The following LRRC7 variants were observed in gnomAD, a reference collection of about 807,000 sequenced individuals.
LRRC7 encodes leucine rich repeat containing 7.
LRRC7 carries 23 observed loss-of-function variants against 175.7 expected under a neutral mutation model. The observed-to-expected ratio is 0.13, with a 90% CI of 0.09 to 0.19. The LOEUF (loss-of-function observed/expected upper bound fraction) is 0.19, where lower values mean the gene tolerates loss of function less well. LRRC7 is among the 10% of genes least tolerant of loss of function. The pLI is 1.00. For synonymous variants in LRRC7, 685 were observed against 680.9 expected (o/e 1.01, Z -0.09); for missense variants, 1,354 against 1,904.7 (o/e 0.71, Z 5.38).
At chr1:70,102,527 C>A (rs929812276) in intron 25 of LRRC7, among the ~76,000 whole-genome samples, 3 of 152,078 alleles carry the variant, frequency 2.0e-5, no homozygotes, top group Non-Finnish European at 4.4e-5. Flanking sequence ...GAGTTTCAGA[C>A]TTTTTTTAAG....
intron 25 of LRRC7, among the ~76,000 whole-genome samples, chr1:70,096,226 C>T (rs529765566): frequency 3.3e-5 from 5 of 152,318 alleles, no homozygotes; most frequent in South Asian, 2.1e-4. Context: ...ATCCGCCTGC[C>T]GCGGCCTCCC....
Position 69,899,535 on chromosome 1 carries a change from C to T in LRRC7, c.648-31972C>T, listed in dbSNP as rs768249782. 4.6e-5 allele frequency among the ~76,000 whole-genome samples: 7 copies of T among 152,312 alleles called. No homozygotes were observed. The South Asian group carries it at 6.2e-4, about 14-fold the overall frequency. On this transcript the variant is annotated intron_variant, in intron 7 of 26. Transcript: ENST00000651989. ...TGGGTCAGATAGTAAATATTTTCCC[C>T]TTTGTGAGCCATCAGGTCTCCACTG...
chr1:70,053,418 G>A (rs1016307965), intron 23 of LRRC7, among the ~76,000 whole-genome samples: 7 of 152,102 alleles, frequency 4.6e-5, no homozygotes, highest in African/African-American at 1.7e-4. Context: ...ACCTTTGAAA[G>A]GCACATATAG....
rs1557641227 is a variant in LRRC7, at chr1:69,717,833, AG to A, written c.100+39356del. 6.8e-3 allele frequency among the ~76,000 whole-genome samples: 399 copies of A among 58,610 alleles called. 5 individuals are homozygous for A. Among genetic ancestry groups the A allele is most frequent in the East Asian group, 0.022 (47 of 2,116 alleles). 38.5% of individuals were successfully genotyped at this position (58,610 alleles called of 152,430 possible). ...AAGAAAGAAAGAAAGAAAGAAAGAA[AG>A]AAAGAAAAAAGAAAGAAAGGAAAGA... On this transcript the variant is annotated intron_variant, in intron 2 of 26. Transcript: ENST00000651989.
At chr1:69,807,343 G>C (rs190413111) in intron 4 of LRRC7, among the ~76,000 whole-genome samples, 1 of 151,980 alleles carries the variant, frequency 6.6e-6, no homozygotes, top group African/African-American at 2.4e-5. Flanking sequence ...TCATTATGAT[G>C]TTAGCTGGTT....
intron 2 of LRRC7, among the ~76,000 whole-genome samples, chr1:69,687,534 A>AAG (rs1553139852): frequency 1.0e-4 from 15 of 145,918 alleles, no homozygotes; most frequent in African/African-American, 3.6e-4. Flanking sequence ...AAAAAAAAAA[A>AAG]AAAAGAAAAA....
chr1:70,086,069 A>C (rs17131189), intron 24 of LRRC7, among the ~76,000 whole-genome samples: 23,390 of 152,048 alleles, frequency 0.15, 2,878 homozygotes, highest in African/African-American at 0.33. Flanking sequence ...GTCATCGTAT[A>C]CTTTTTATTA....
At chr1:69,876,143 G>A (rs1570454241) in intron 7 of LRRC7, among the ~76,000 whole-genome samples, 1 of 152,046 alleles carries the variant, frequency 6.6e-6, no homozygotes, top group South Asian at 2.1e-4. Flanking sequence ...CAGAAGTTAC[G>A]GGTTTCTGGA....
intron 1 of LRRC7, among the ~76,000 whole-genome samples, chr1:69,594,040 G>T (rs891111652): frequency 3.3e-5 from 5 of 152,212 alleles, no homozygotes; most frequent in East Asian, 1.9e-4. Flanking sequence ...AATTCATATT[G>T]TGGTATATTG....
intron 3 of LRRC7, among the ~76,000 whole-genome samples, chr1:69,765,593 G>A (rs180822342): frequency 1.4e-4 from 22 of 152,190 alleles, no homozygotes; most frequent in East Asian, 3.9e-4. Flanking sequence ...TCTGTAATAC[G>A]TTAATGATGT....
At chr1:69,718,142 G>GAGAA (rs761585823) in intron 2 of LRRC7, among the ~76,000 whole-genome samples, 9,729 of 73,786 alleles carry the variant, frequency 0.13, 812 homozygotes, top group South Asian at 0.2. Flanking sequence ...AAGAAAGAGA[G>GAGAA]AGAAAGAAAG....
chr1:69,940,723 C>A (rs1648620754), intron 8 of LRRC7, among the ~76,000 whole-genome samples: 1 of 151,986 alleles, frequency 6.6e-6, no homozygotes, highest in Admixed American at 6.6e-5. Context: ...AGCTCGAAAA[C>A]ATACTTGAGT....
chr1:69,672,247 C>T (rs924442336), intron 1 of LRRC7, among the ~76,000 whole-genome samples: 1 of 148,534 alleles, frequency 6.7e-6, no homozygotes, highest in African/African-American at 2.4e-5. Flanking sequence ...CTACTTAATA[C>T]ATTTTTTTAA....
intron 3 of LRRC7, among the ~76,000 whole-genome samples, chr1:69,781,707 G>T (rs1171612178): frequency 3.9e-5 from 1 of 25,730 alleles, no homozygotes; most frequent in African/African-American, 2.5e-4. Flanking sequence ...AAGAAAGAAA[G>T]AAAGAAAGAA....
At chr1:69,927,297 C>T (rs1647111111) in intron 7 of LRRC7, among the ~76,000 whole-genome samples, 1 of 152,082 alleles carries the variant, frequency 6.6e-6, no homozygotes, top group African/African-American at 2.4e-5. Context: ...TGGAGTTGCT[C>T]TTCTTGGGGA....
chr1:69,879,899 C>G (rs1272416944), intron 7 of LRRC7: 2 of 152,206 alleles, frequency 1.3e-5, no homozygotes, highest in Non-Finnish European at 2.9e-5. Context: ...CTGCCTTGGT[C>G]AGGGTGAACG....
chr1:69,826,206 G>A (rs1275702206), intron 5 of LRRC7, among the ~76,000 whole-genome samples: 1 of 152,090 alleles, frequency 6.6e-6, no homozygotes, highest in Non-Finnish European at 1.5e-5. Flanking sequence ...GTATTGACAA[G>A]TGCATAAAAA....
At chr1:69,990,396 T>C (rs1356218046) in intron 10 of LRRC7, among the ~76,000 whole-genome samples, 4 of 152,042 alleles carry the variant, frequency 2.6e-5, no homozygotes, top group East Asian at 1.9e-4. Flanking sequence ...ACATATGATA[T>C]AGAAATGCAA....
At chr1:69,969,272 C>T (rs1651980284) in intron 8 of LRRC7, among the ~76,000 whole-genome samples, 1 of 152,064 alleles carries the variant, frequency 6.6e-6, no homozygotes, top group Non-Finnish European at 1.5e-5. Context: ...GGAGTGGTAC[C>T]TCACATCTCA....
Sources: gnomAD v4.1 joint callset for allele counts (sites outside exome capture counted in the v4.1 genomes callset) on GRCh38, gnomAD v4.1.1 for gene constraint, MANE v1.5 for transcripts, NCBI Gene and HGNC (gene_info 2026-07-23, HGNC 2026-07-21) for gene names.